The following ADK variants were observed in gnomAD, a reference collection of about 807,000 sequenced individuals.
ADK encodes N6,N6-dimethyladenosine kinase.
A neutral mutation model predicts 44.7 loss-of-function variants in ADK; 24 were observed. The ratio of observed to expected loss-of-function variants is 0.54; its 90% CI spans 0.39 to 0.76. The LOEUF (loss-of-function observed/expected upper bound fraction) is 0.76. ADK is among the 30% of genes least tolerant of loss of function. The probability of loss-of-function intolerance (pLI) is 0.00; values close to 1 mark genes in which losing one functional copy is unlikely to be tolerated. For synonymous variants in ADK, 128 were observed against 142.6 expected (o/e 0.90, Z 0.73); for missense variants, 321 against 425.1 (o/e 0.76, Z 2.15).
chr10:74,553,009 C>T (rs77054015), intron 7 of ADK, among the ~76,000 whole-genome samples: 1 of 151,584 alleles, frequency 6.6e-6, no homozygotes, highest in Non-Finnish European at 1.5e-5. Flanking sequence ...ATTTGAAAAA[C>T]TGTATGGTAG....
At chr10:74,308,635 C>T (rs2132546415) in intron 3 of ADK, among the ~76,000 whole-genome samples, 1 of 152,266 alleles carries the variant, frequency 6.6e-6, no homozygotes, top group Non-Finnish European at 1.5e-5. Context: ...ATAACTTCAT[C>T]AGAAATTCTA....
chr10:74,406,835 C>A (rs1454701583), intron 6 of ADK, among the ~76,000 whole-genome samples: 1 of 151,914 alleles, frequency 6.6e-6, no homozygotes, highest in Non-Finnish European at 1.5e-5. Context: ...CACGCCTCAC[C>A]ACACCCGGCT....
intron 3 of ADK, among the ~76,000 whole-genome samples, chr10:74,268,255 C>G (rs146585978): frequency 6.6e-6 from 1 of 151,922 alleles, no homozygotes; most frequent in Non-Finnish European, 1.5e-5. Flanking sequence ...CCCAGGAGTT[C>G]GAGGCTGCAG....
At chr10:74,553,698 TA>T (rs1721200716) in intron 7 of ADK, among the ~76,000 whole-genome samples, 1 of 152,134 alleles carries the variant, frequency 6.6e-6, no homozygotes, top group African/African-American at 2.4e-5. Context: ...TCCTTTTTGT[TA>T]GGGGGTATAG....
intron 6 of ADK, among the ~76,000 whole-genome samples, chr10:74,402,641 C>T (rs1049373052): frequency 2.6e-5 from 4 of 152,070 alleles, no homozygotes; most frequent in Admixed American, 1.3e-4. Context: ...GTTAGCCTGT[C>T]GTCTAATCTT....
chr10:74,229,437 G>C (rs1165912423), intron 3 of ADK, among the ~76,000 whole-genome samples: 1 of 130,766 alleles, frequency 7.6e-6, no homozygotes, highest in Admixed American at 9.2e-5. Flanking sequence ...TCGCTCTGTC[G>C]CCCAGGCTGG....
chr10:74,537,386 G>C (rs1406872730), intron 7 of ADK, among the ~76,000 whole-genome samples: 3 of 152,028 alleles, frequency 2.0e-5, no homozygotes, highest in Non-Finnish European at 4.4e-5. Context: ...ATTTGTTTCT[G>C]ACATCTTCAA....
chr10:74,404,257 A>G (rs145036778), intron 6 of ADK, among the ~76,000 whole-genome samples: 2 of 151,916 alleles, frequency 1.3e-5, no homozygotes, highest in African/African-American at 4.8e-5. Flanking sequence ...CATATATATT[A>G]TAAACATCGT....
intron 6 of ADK, among the ~76,000 whole-genome samples, chr10:74,461,377 G>C (rs1461115798): frequency 6.6e-6 from 1 of 151,986 alleles, no homozygotes; most frequent in Non-Finnish European, 1.5e-5. Flanking sequence ...AGAACAAAGG[G>C]TTTGATTATT....
At chr10:74,634,693 C>T (rs151084453) in intron 9 of ADK, among the ~76,000 whole-genome samples, 352 of 152,000 alleles carry the variant, frequency 2.3e-3, no homozygotes, top group African/African-American at 8.1e-3. Context: ...ACCTGTAATC[C>T]CAGCACTTTT....
chr10:74,394,609 A>C (rs560453865), intron 5 of ADK, among the ~76,000 whole-genome samples: 1 of 152,314 alleles, frequency 6.6e-6, no homozygotes, highest in South Asian at 2.1e-4. Flanking sequence ...AGCTTGCTCA[A>C]CACCTTGTAG....
At chr10:74,454,885 T>C (rs1845889101) in intron 6 of ADK, among the ~76,000 whole-genome samples, 1 of 152,170 alleles carries the variant, frequency 6.6e-6, no homozygotes, top group Admixed American at 6.5e-5. Flanking sequence ...TGCTCCTTTA[T>C]AGAGAGGGTA....
chr10:74,538,670 T>C (rs960373150), intron 7 of ADK, among the ~76,000 whole-genome samples: 2 of 152,234 alleles, frequency 1.3e-5, no homozygotes, highest in Non-Finnish European at 2.9e-5. Flanking sequence ...TGTATCTCTT[T>C]ATAAGTAAAC....
At chr10:74,543,866 CT>C (rs998912633) in intron 7 of ADK, among the ~76,000 whole-genome samples, 1 of 148,168 alleles carries the variant, frequency 6.7e-6, no homozygotes, top group Non-Finnish European at 1.5e-5. Flanking sequence ...TTTTTTTTTT[CT>C]TTTTTTTGCT....
At chr10:74,372,017 T>A (rs1316252617) in intron 4 of ADK, 2 of 776,644 alleles carry the variant, frequency 2.6e-6, no homozygotes, top group South Asian at 2.7e-5. Flanking sequence ...ACATTGCCAT[T>A]CTATGCAACA....
intron 3 of ADK, among the ~76,000 whole-genome samples, chr10:74,267,100 C>T (rs1036727034): frequency 1.3e-5 from 2 of 152,110 alleles, no homozygotes; most frequent in Non-Finnish European, 2.9e-5. Flanking sequence ...TGTTAGTAAT[C>T]TAGAGATGAT....
intron 3 of ADK, among the ~76,000 whole-genome samples, chr10:74,238,994 G>A (rs1265621840): frequency 6.6e-6 from 1 of 151,386 alleles, no homozygotes; most frequent in Non-Finnish European, 1.5e-5. Flanking sequence ...CTGAGTAGCT[G>A]GGATTACAGG....
chr10:74,338,097 A>G (rs977299806), intron 4 of ADK, among the ~76,000 whole-genome samples: 29 of 145,526 alleles, frequency 2.0e-4, no homozygotes, highest in Admixed American at 5.8e-4. Flanking sequence ...TCTAGCCTCT[A>G]TACAGAATTT....
chr10:74,691,983 T>TA (rs1856005317), intron 10 of ADK, among the ~76,000 whole-genome samples: 1 of 152,164 alleles, frequency 6.6e-6, no homozygotes, highest in Non-Finnish European at 1.5e-5. Context: ...AAACTAAACA[T>TA]ACTTTTACCA....
Sources: allele counts gnomAD v4.1 joint callset (sites outside exome capture counted in the v4.1 genomes callset), GRCh38; gene constraint gnomAD v4.1.1; transcripts MANE v1.5; gene names NCBI Gene and HGNC (gene_info 2026-07-23, HGNC 2026-07-21).